The following TMEM234 variants were observed in gnomAD, a reference collection of about 807,000 sequenced individuals.
The protein encoded by TMEM234 is transmembrane protein 234.
In TMEM234, 21 loss-of-function variants were observed where a neutral mutation model predicts 17.8. That is an observed-to-expected ratio of 1.18 (90% CI 0.84 to 1.70). The LOEUF (loss-of-function observed/expected upper bound fraction) is 1.70, where lower values mean the gene tolerates loss of function less well. Among genes scored for constraint, TMEM234 ranks in the 40% most tolerant of loss-of-function variants. The probability of loss-of-function intolerance (pLI) is 0.00; values close to 1 mark genes in which losing one functional copy is unlikely to be tolerated. For synonymous variants in TMEM234, 83 were observed against 73.5 expected (o/e 1.13, Z -0.66); for missense variants, 137 against 166.9 (o/e 0.82, Z 0.99).
At chr1:32,222,074 G>A (rs1638972079) in intron 1 of TMEM234, 56 bp from the exon 2 acceptor site, 4 of 1,526,270 alleles carry the variant, frequency 2.6e-6, no homozygotes, top group Non-Finnish European at 3.5e-6. Flanking sequence ...CGCCCACCCC[G>A]CCCTCTCCTG....
intron 2 of TMEM234, 29 bp downstream of exon 2, chr1:32,221,838 C>A: frequency 6.2e-7 from 1 of 1,611,662 alleles, no homozygotes; most frequent in Non-Finnish European, 8.5e-7. Flanking sequence ...GCAACTCCAC[C>A]GAGAGAGGGG....
rs1165027473 is a variant in TMEM234, at chr1:32,216,651, C to T, written c.*202G>A. Reference sequence around the variant, plus strand: ...CGTAGAGTCTCCTGTGCTAAATCCCCGCAGCTGAACAGCACTTGAAGGTTA... The same window carrying T: ...CGTAGAGTCTCCTGTGCTAAATCCCTGCAGCTGAACAGCACTTGAAGGTTA... On this transcript the variant is annotated 3_prime_UTR_variant, in exon 5 of 5. Transcript: ENST00000309777. 2.7e-6 allele frequency: 4 copies of T among 1,509,036 alleles called. No homozygotes were observed. Among genetic ancestry groups the T allele is most frequent in the East Asian group, 5.0e-5 (2 of 40,322 alleles). 93.5% of individuals were successfully genotyped at this position (1,509,036 alleles called of 1,614,324 possible).
At position 32,216,802 on chromosome 1, in the gene TMEM234, T is replaced by C. The variant is rs750050293; in HGVS notation, c.*51A>G. ...CCATCCGCTCACTGCCAGCACTTCA[T>C]GGCCCAGGGGCTTCCTGGAGGCAGC... On this transcript the variant is annotated 3_prime_UTR_variant, in exon 5 of 5. Coordinates refer to ENST00000309777, the MANE Select transcript of TMEM234 (RefSeq NM_019118.5). 31 of 1,604,622 alleles carry C rather than the reference T, an allele frequency of 1.9e-5. No individual in the cohort carries two copies. The highest frequency in any genetic ancestry group is 2.6e-5 in the Non-Finnish European group (31 of 1,175,092).
In TMEM234 at chr1:32,216,698, C is replaced by A. The variant is rs1638416443; in HGVS notation, c.*155G>T. On this transcript the variant is annotated 3_prime_UTR_variant, in exon 5 of 5. Coordinates refer to ENST00000309777, the MANE Select transcript of TMEM234 (RefSeq NM_019118.5). ...GTTACAAAACTCTTTCACTCTTGTTCTCTTATTGTGATCCATGAGGTAGCT... is the reference window on the plus strand; with the variant it reads ...GTTACAAAACTCTTTCACTCTTGTTATCTTATTGTGATCCATGAGGTAGCT... 4 of 1,496,392 alleles carry A rather than the reference C, an allele frequency of 2.7e-6. No homozygotes were observed. Among genetic ancestry groups the A allele is most frequent in the Admixed American group, 4.4e-5 (2 of 45,542 alleles). The allele number at this position is 1,496,392 out of a possible 1,614,324, so 92.7% of individuals were successfully genotyped here. A position where few individuals can be genotyped will look rare whatever the true frequency, so the allele number is the denominator to read the frequency against.
downstream of TMEM234, chr1:32,216,192 A>T: frequency 9.3e-6 from 8 of 855,774 alleles, no homozygotes; most frequent in Non-Finnish European, 1.4e-5. Flanking sequence ...ATACTTACTA[A>T]CCTCTTGTCT....
chr1:32,215,051 T>C (rs1638262245), downstream of TMEM234: 2 of 1,199,092 alleles, frequency 1.7e-6, no homozygotes, highest in Admixed American at 2.9e-5. Context: ...AAGCCGGCAC[T>C]GGAAAAAAAA....
chr1:32,215,138 C>T, downstream of TMEM234: 5 of 693,740 alleles, frequency 7.2e-6, no homozygotes, highest in Non-Finnish European at 1.1e-5. Flanking sequence ...GTACTGACCT[C>T]ATCATAACTG....
chr1:32,220,166 G>A (rs1031035586), intron 3 of TMEM234, among the ~76,000 whole-genome samples: 1 of 152,068 alleles, frequency 6.6e-6, no homozygotes, highest in Non-Finnish European at 1.5e-5. Flanking sequence ...TTAAATAAGT[G>A]CATATTATTT....
downstream of TMEM234, chr1:32,214,518 A>G (rs1008427856): frequency 9.1e-6 from 4 of 437,306 alleles, no homozygotes; most frequent in African/African-American, 2.0e-5. Context: ...CCCTCCCAAG[A>G]AATGAGCCAG....
At chr1:32,217,867 T>G (rs1018151003) in intron 3 of TMEM234, among the ~76,000 whole-genome samples, 1 of 152,204 alleles carries the variant, frequency 6.6e-6, no homozygotes, top group African/African-American at 2.4e-5. Context: ...AACCAAGGCT[T>G]GCCTGACTCC....
At chr1:32,215,941 C>G (rs1020709178), downstream of TMEM234, 1 of 1,463,502 alleles carries the variant, frequency 6.8e-7, no homozygotes, top group Non-Finnish European at 9.4e-7. Context: ...CTACTCTGGC[C>G]ACCTTTTGTC....
At chr1:32,222,054 C>A (rs1368178300) in intron 1 of TMEM234, 36 bp from the exon 2 acceptor site, 2 of 1,565,250 alleles carry the variant, frequency 1.3e-6, no homozygotes, top group Non-Finnish European at 1.7e-6. Flanking sequence ...TGACCCCCAC[C>A]CCAAACGGCC....
intron 3 of TMEM234, chr1:32,217,591 G>A: frequency 1.2e-6 from 1 of 836,566 alleles, no homozygotes; most frequent in South Asian, 1.4e-5. Context: ...GTTTGATAAT[G>A]AGAATGAGGT....
At chr1:32,217,432 C>CCATTTG in intron 3 of TMEM234, 81 bp from the exon 4 acceptor site, 1 of 1,587,830 alleles carries the variant, frequency 6.3e-7, no homozygotes, top group Non-Finnish European at 8.6e-7. Flanking sequence ...ATCATCATTT[C>CCATTTG]ATACCTTTAA....
intron 4 of TMEM234, 60 bp downstream of exon 4, chr1:32,217,195 GAACT>G (rs776227252): frequency 6.2e-7 from 1 of 1,613,898 alleles, no homozygotes; most frequent in East Asian, 2.2e-5. Flanking sequence ...TTCTGGGAAG[GAACT>G]AACACAGGTA....
downstream of TMEM234, chr1:32,215,702 T>C: frequency 8.7e-7 from 1 of 1,150,340 alleles, no homozygotes; most frequent in Non-Finnish European, 1.2e-6. Context: ...GTTCCTAATT[T>C]CCAGTTTCTT....
downstream of TMEM234, chr1:32,216,069 C>T (rs936039834): frequency 1.4e-6 from 1 of 716,954 alleles, no homozygotes. Context: ...CCCAGCCTTC[C>T]CTTCCTCTGA....
At position 32,217,370 on chromosome 1, in the gene TMEM234, A is replaced by G; in HGVS notation, c.236-19T>C. 1 of 1,598,912 alleles carries G rather than the reference A, an allele frequency of 6.3e-7. No homozygotes were observed. Among genetic ancestry groups the G allele is most frequent in the Non-Finnish European group, 8.6e-7 (1 of 1,169,110 alleles). ...GTCAGATCTGGGTGGTCAGAATGAA[A>G]AGAATGCCTGAGATGCAACAAATGC... On this transcript the variant is annotated intron_variant, in intron 3 of 4. Transcript: ENST00000309777.
intron 3 of TMEM234, among the ~76,000 whole-genome samples, chr1:32,220,702 TCTGA>T (rs568711096): frequency 1.5e-4 from 23 of 152,198 alleles, no homozygotes; most frequent in Admixed American, 7.9e-4. Flanking sequence ...TATATGGAGC[TCTGA>T]CTGTGTGCCA....
Sources: allele counts gnomAD v4.1 joint callset (sites outside exome capture counted in the v4.1 genomes callset), GRCh38; gene constraint gnomAD v4.1.1; transcripts MANE v1.5; gene names NCBI Gene and HGNC (gene_info 2026-07-23, HGNC 2026-07-21).